The following CCDC33 variants were observed in gnomAD, a reference collection of about 807,000 sequenced individuals.
CCDC33 encodes coiled-coil domain containing 33.
Under a neutral mutation model 91.9 loss-of-function variants are expected in CCDC33, and 94 were observed. The ratio of observed to expected loss-of-function variants is 1.02; its 90% CI spans 0.87 to 1.21. The LOEUF (loss-of-function observed/expected upper bound fraction) is 1.21, where lower values mean the gene tolerates loss of function less well. Ranked by LOEUF, CCDC33 falls within the 50% of genes most tolerant of loss-of-function variation. CCDC33 has a pLI of 0.00. For missense variants in CCDC33, 940 were observed against 935.5 expected (o/e 1.00, Z -0.06); for synonymous variants, 396 against 374.5 (o/e 1.06, Z -0.66).
At chr15:74,262,360 A>G in intron 2 of CCDC33, 80 bp from the exon 3 acceptor site, 1 of 1,563,058 alleles carries the variant, frequency 6.4e-7, no homozygotes, top group Non-Finnish European at 8.8e-7. Flanking sequence ...ACTCAGATTT[A>G]TGGACAGTGG....
At chr15:74,333,692 A>T (rs1009467151) in intron 16 of CCDC33, among the ~76,000 whole-genome samples, 189 bp from the exon 17 acceptor site, 7 of 152,364 alleles carry the variant, frequency 4.6e-5, no homozygotes, top group African/African-American at 1.7e-4. Flanking sequence ...ACAGCTGTGA[A>T]AAAAGCACAT....
chr15:74,237,013 TG>T (rs778936636), intron 1 of CCDC33, among the ~76,000 whole-genome samples: 2 of 152,236 alleles, frequency 1.3e-5, no homozygotes, highest in Non-Finnish European at 2.9e-5. Flanking sequence ...GCACTCTTAT[TG>T]CTGGGGTCAC....
Position 74,281,677 on chromosome 15 carries a change from C to T in CCDC33, c.1024-101C>T, listed in dbSNP as rs896848326. On this transcript the variant is annotated intron_variant, in intron 9 of 18. Coordinates refer to ENST00000398814, the MANE Select transcript of CCDC33 (RefSeq NM_025055.5). ...CTCCCTCCCACCCTCCTGGGTGCAG[C>T]CCGCAGGTGACACCTTCCAGAGAAA... 4.6e-6 allele frequency: 5 copies of T among 1,081,496 alleles called. No homozygotes were observed. The Admixed American group carries it at 7.1e-5, about 15-fold the overall frequency. The allele number at this position is 1,081,496 out of a possible 1,614,324, so 67.0% of individuals were successfully genotyped here. A position where few individuals can be genotyped will look rare whatever the true frequency, so the allele number is the denominator to read the frequency against.
intron 7 of CCDC33, among the ~76,000 whole-genome samples, chr15:74,278,292 A>G (rs1371750124): frequency 6.6e-6 from 1 of 152,200 alleles, no homozygotes; most frequent in African/African-American, 2.4e-5. Context: ...GTGGACCTAC[A>G]CTGATATTTC....
intron 11 of CCDC33, among the ~76,000 whole-genome samples, chr15:74,310,990 C>T (rs181490200): frequency 3.9e-4 from 59 of 152,282 alleles, no homozygotes; most frequent in African/African-American, 1.2e-3. Context: ...GGTGGTTTTC[C>T]GCAACACAGG....
intron 12 of CCDC33, 105 bp from the exon 13 acceptor site, chr15:74,330,558 C>T (rs1596138396): frequency 1.7e-6 from 2 of 1,142,960 alleles, no homozygotes; most frequent in East Asian, 4.7e-5. Flanking sequence ...CCAGTCCCGT[C>T]CCAAGCCCTC....
intron 2 of CCDC33, among the ~76,000 whole-genome samples, chr15:74,254,252 C>T (rs375267529): frequency 5.3e-5 from 8 of 152,192 alleles, no homozygotes; most frequent in African/African-American, 1.9e-4. Context: ...AGGCTGGTCT[C>T]GAACTCCTGA....
intron 5 of CCDC33, among the ~76,000 whole-genome samples, chr15:74,269,970 C>G (rs2142420809): frequency 6.6e-6 from 1 of 152,316 alleles, no homozygotes; most frequent in Non-Finnish European, 1.5e-5. Flanking sequence ...AGTCTTACAC[C>G]TGCTGGGGAG....
At chr15:74,228,900 G>A (rs997465644) in intron 2 of CCDC33, among the ~76,000 whole-genome samples, 8 of 152,298 alleles carry the variant, frequency 5.3e-5, no homozygotes, top group East Asian at 3.9e-4. Context: ...TAGAGATGGC[G>A]GGTGGTGTGA....
At chr15:74,300,243 C>T (rs187014280) in intron 11 of CCDC33, 4 of 152,370 alleles carry the variant, frequency 2.6e-5, no homozygotes, top group South Asian at 2.1e-4. Flanking sequence ...AGTGGAGTGT[C>T]GTTGCATAAC....
chr15:74,251,405 C>G (rs74616972), intron 2 of CCDC33, among the ~76,000 whole-genome samples: 10,714 of 152,272 alleles, frequency 0.07, 401 homozygotes, highest in East Asian at 0.11. Flanking sequence ...CTGACAGGCA[C>G]GGGGTGCCCC....
upstream of CCDC33, among the ~76,000 whole-genome samples, chr15:74,215,342 C>T (rs1006415732): frequency 3.3e-5 from 5 of 152,050 alleles, no homozygotes; most frequent in African/African-American, 9.6e-5. Context: ...TTCACAGAGA[C>T]GGAAAGTAGA....
intron 1 of CCDC33, among the ~76,000 whole-genome samples, chr15:74,208,634 G>T (rs2074316068): frequency 6.6e-6 from 1 of 151,970 alleles, no homozygotes; most frequent in Non-Finnish European, 1.5e-5. Flanking sequence ...CCCACCCCAG[G>T]TCTCCAAACT....
chr15:74,298,841 T>A (rs2059738854), intron 11 of CCDC33, among the ~76,000 whole-genome samples: 1 of 150,972 alleles, frequency 6.6e-6, no homozygotes, highest in South Asian at 2.1e-4. Flanking sequence ...GCCTCTTGAG[T>A]AGCTGGGATT....
At chr15:74,307,875 C>A (rs2059919200) in intron 11 of CCDC33, among the ~76,000 whole-genome samples, 1 of 152,142 alleles carries the variant, frequency 6.6e-6, no homozygotes, top group South Asian at 2.1e-4. Flanking sequence ...TGGCGAGAGC[C>A]ACTCCCAGGC....
chr15:74,335,142 C>A (rs2142904686), intron 18 of CCDC33, 54 bp downstream of exon 18: 1 of 1,349,850 alleles, frequency 7.4e-7, no homozygotes, highest in Non-Finnish European at 1.1e-6. Flanking sequence ...GAGCAGGAAG[C>A]CACCGCACCC....
chr15:74,270,478 G>T (rs1052246678), intron 5 of CCDC33, among the ~76,000 whole-genome samples: 1 of 152,180 alleles, frequency 6.6e-6, no homozygotes, highest in Non-Finnish European at 1.5e-5. Context: ...AGGGAATAAC[G>T]TGACCCAGTT....
Position 74,336,123 on chromosome 15 carries a change from A to C in CCDC33, c.*70A>C. 2 of 1,582,698 alleles carry C rather than the reference A, an allele frequency of 1.3e-6. No individual in the cohort carries two copies. Among genetic ancestry groups the C allele is most frequent in the East Asian group, 2.3e-5 (1 of 44,384 alleles). ...ACCGCCCCCTAAAAATGACGTTATT[A>C]AATGTTGTAGCTCTGTGAGCATTTT... On this transcript the variant is annotated 3_prime_UTR_variant, in exon 19 of 19. Transcript: ENST00000398814.
chr15:74,335,320 C>A, intron 18 of CCDC33: 1 of 609,576 alleles, frequency 1.6e-6, no homozygotes, highest in Non-Finnish European at 2.9e-6. Flanking sequence ...CCCTTTCCCC[C>A]ATGGGGTGCT....
Sources: gnomAD v4.1 joint callset for allele counts (sites outside exome capture counted in the v4.1 genomes callset) on GRCh38, gnomAD v4.1.1 for gene constraint, MANE v1.5 for transcripts, NCBI Gene and HGNC (gene_info 2026-07-23, HGNC 2026-07-21) for gene names.